The following GAS2 variants were observed in gnomAD, a reference collection of about 807,000 sequenced individuals.
The protein encoded by GAS2 is growth arrest specific 2.
In GAS2, 20 loss-of-function variants were observed where a neutral mutation model predicts 37.5. The observed-to-expected ratio is 0.53, with a 90% CI of 0.37 to 0.77. The LOEUF is 0.77. Ranked by LOEUF, GAS2 falls within the 30% of genes least tolerant of loss-of-function variation. The probability of loss-of-function intolerance (pLI) is 0.00; values close to 1 mark genes in which losing one functional copy is unlikely to be tolerated. For synonymous variants in GAS2, 144 were observed against 132.2 expected (o/e 1.09, Z -0.61); for missense variants, 336 against 373.4 (o/e 0.90, Z 0.82).
intron 3 of GAS2, among the ~76,000 whole-genome samples, chr11:22,698,116 C>T (rs533504328): frequency 8.4e-4 from 127 of 151,774 alleles, no homozygotes; most frequent in Middle Eastern, 3.4e-3. Context: ...ATTGATAGAC[C>T]GCTAGCAAGA....
chr11:22,805,292 G>A (rs1260446309), intron 7 of GAS2, among the ~76,000 whole-genome samples: 4 of 152,056 alleles, frequency 2.6e-5, no homozygotes, highest in East Asian at 3.9e-4. Context: ...AAGTTTTAAA[G>A]TACATATGCA....
chr11:22,631,501 T>C (rs1858744388), intron 1 of GAS2, among the ~76,000 whole-genome samples: 3 of 152,124 alleles, frequency 2.0e-5, no homozygotes, highest in African/African-American at 7.2e-5. Flanking sequence ...GTTTCCTCTG[T>C]GCTTAGTTTG....
chr11:22,751,093 A>G (rs998911658), intron 6 of GAS2, among the ~76,000 whole-genome samples: 9 of 152,000 alleles, frequency 5.9e-5, no homozygotes, highest in Middle Eastern at 3.2e-3. Context: ...TTAAAATTAT[A>G]TAGGGTGCTC....
At chr11:22,779,848 C>T (rs981731613) in intron 7 of GAS2, among the ~76,000 whole-genome samples, 1 of 152,148 alleles carries the variant, frequency 6.6e-6, no homozygotes, top group African/African-American at 2.4e-5. Flanking sequence ...TGTCCTACAA[C>T]CAACCAACCT....
intron 7 of GAS2, among the ~76,000 whole-genome samples, chr11:22,787,155 A>T (rs1431849701): frequency 1.3e-5 from 2 of 152,202 alleles, no homozygotes; most frequent in Non-Finnish European, 2.9e-5. Flanking sequence ...TAATGAAACA[A>T]GATTCCTGCT....
intron 3 of GAS2, among the ~76,000 whole-genome samples, chr11:22,687,244 T>C (rs1024930030): frequency 6.6e-6 from 1 of 152,132 alleles, no homozygotes; most frequent in African/African-American, 2.4e-5. Flanking sequence ...GCAGGTTCAA[T>C]TGAGCCCAGG....
At chr11:22,717,704 A>G (rs1323091619) in intron 3 of GAS2, among the ~76,000 whole-genome samples, 1 of 152,182 alleles carries the variant, frequency 6.6e-6, no homozygotes, top group Non-Finnish European at 1.5e-5. Context: ...TATGAGAGAA[A>G]TATTCACAAA....
chr11:22,737,601 T>A (rs576375630), intron 4 of GAS2, 104 bp from the exon 5 acceptor site: 5 of 1,010,160 alleles, frequency 4.9e-6, no homozygotes, highest in South Asian at 3.9e-5. Context: ...GAAGACTAGA[T>A]CCTTTCCTGG....
At chr11:22,650,962 T>C (rs1418111835) in intron 1 of GAS2, among the ~76,000 whole-genome samples, 1 of 152,164 alleles carries the variant, frequency 6.6e-6, no homozygotes, top group Non-Finnish European at 1.5e-5. Flanking sequence ...CCTGTCATTA[T>C]GATGTTAGCT....
intron 3 of GAS2, among the ~76,000 whole-genome samples, chr11:22,705,809 T>G (rs1851087862): frequency 1.3e-5 from 2 of 152,196 alleles, no homozygotes; most frequent in South Asian, 4.1e-4. Context: ...GAATTTCAAC[T>G]GCTGTGTATA....
At chr11:22,779,096 GA>G (rs538461868) in intron 7 of GAS2, among the ~76,000 whole-genome samples, 6 of 149,242 alleles carry the variant, frequency 4.0e-5, no homozygotes, top group South Asian at 2.1e-4. Context: ...TAAAATAAAG[GA>G]AAAAAAATAG....
chr11:22,722,897 A>T (rs991970321), intron 3 of GAS2, among the ~76,000 whole-genome samples: 1 of 151,952 alleles, frequency 6.6e-6, no homozygotes, highest in African/African-American at 2.4e-5. Flanking sequence ...TTCTTTGGAG[A>T]ATTAAGCAGT....
intron 6 of GAS2, among the ~76,000 whole-genome samples, chr11:22,755,376 A>T (rs906554039): frequency 6.6e-6 from 1 of 152,128 alleles, no homozygotes; most frequent in Non-Finnish European, 1.5e-5. Flanking sequence ...CCTTAAAAAA[A>T]CAACTTGTTA....
intron 5 of GAS2, among the ~76,000 whole-genome samples, chr11:22,747,773 C>A (rs1853491871): frequency 6.6e-6 from 1 of 152,030 alleles, no homozygotes; most frequent in South Asian, 2.1e-4. Context: ...GTAAAGCATG[C>A]TCAGTTTATT....
At chr11:22,715,508 CAA>C (rs1851632327) in intron 3 of GAS2, among the ~76,000 whole-genome samples, 3 of 103,154 alleles carry the variant, frequency 2.9e-5, no homozygotes, top group Admixed American at 9.3e-5. Context: ...AGAAACAAAA[CAA>C]GAGATATTAC....
intron 5 of GAS2, among the ~76,000 whole-genome samples, chr11:22,741,397 A>T (rs1853071097): frequency 6.6e-6 from 1 of 152,174 alleles, no homozygotes; most frequent in African/African-American, 2.4e-5. Context: ...TGCTGAAAAC[A>T]AAGTTAGTAT....
At chr11:22,715,482 A>AT (rs1851629175) in intron 3 of GAS2, among the ~76,000 whole-genome samples, 1 of 142,030 alleles carries the variant, frequency 7.0e-6, no homozygotes, top group Non-Finnish European at 1.5e-5. Context: ...AAAAAAAAAA[A>AT]AGAAAAGAAA....
chr11:22,637,215 TAATA>T (rs1475925619), intron 1 of GAS2, among the ~76,000 whole-genome samples: 67 of 97,048 alleles, frequency 6.9e-4, no homozygotes, highest in African/African-American at 2.6e-3. Context: ...TTACTTATGT[TAATA>T]GTATACTAAT....
intron 1 of GAS2, among the ~76,000 whole-genome samples, chr11:22,660,216 C>A (rs905618234): frequency 6.6e-6 from 1 of 152,070 alleles, no homozygotes; most frequent in African/African-American, 2.4e-5. Flanking sequence ...AGTGACCCAA[C>A]AAACCATGAA....
Sources: allele counts gnomAD v4.1 joint callset (sites outside exome capture counted in the v4.1 genomes callset), GRCh38; gene constraint gnomAD v4.1.1; transcripts MANE v1.5; gene names NCBI Gene and HGNC (gene_info 2026-07-23, HGNC 2026-07-21).